Variants in ATL2 observed in about 807,000 individuals in gnomAD.
The protein encoded by ATL2 is atlastin GTPase 2.
ATL2 carries 31 observed loss-of-function variants against 73.9 expected under a neutral mutation model. The ratio of observed to expected loss-of-function variants is 0.42; its 90% CI spans 0.32 to 0.57. ATL2 has a LOEUF of 0.57. ATL2 is among the 20% of genes least tolerant of loss of function. The probability of loss-of-function intolerance (pLI) is 0.14; values close to 1 mark genes in which losing one functional copy is unlikely to be tolerated. For synonymous variants in ATL2, 291 were observed against 237.5 expected, an observed-to-expected ratio of 1.23 and a Z score of -2.07; for missense variants, 738 against 702.6, an observed-to-expected ratio of 1.05 and a Z score of -0.57.
chr2:38,326,891 G>C (rs1668693778), intron 2 of ATL2, among the ~76,000 whole-genome samples: 1 of 152,106 alleles, frequency 6.6e-6, no homozygotes, highest in Non-Finnish European at 1.5e-5. Context: ...GGGAGGCTGA[G>C]GCAGGAGAAT....
intron 9 of ATL2, among the ~76,000 whole-genome samples, chr2:38,304,843 A>G (rs530559381): frequency 2.0e-5 from 3 of 152,326 alleles, no homozygotes; most frequent in East Asian, 3.9e-4. Flanking sequence ...AATCACCTTC[A>G]CTAAAAGGAA....
chr2:38,364,897 A>G (rs963875840), intron 1 of ATL2, among the ~76,000 whole-genome samples: 1 of 152,096 alleles, frequency 6.6e-6, no homozygotes, highest in Admixed American at 6.5e-5. Context: ...ACAAAAAATT[A>G]GCCATGCGTG....
intron 2 of ATL2, among the ~76,000 whole-genome samples, chr2:38,320,225 A>C (rs1668244879): frequency 6.6e-6 from 1 of 152,232 alleles, no homozygotes; most frequent in Non-Finnish European, 1.5e-5. Flanking sequence ...ATATGAACCC[A>C]AACTGGTTAT....
chr2:38,326,198 T>C (rs1481604103), intron 2 of ATL2, among the ~76,000 whole-genome samples: 1 of 152,188 alleles, frequency 6.6e-6, no homozygotes, highest in Non-Finnish European at 1.5e-5. Context: ...ATAAAAAAGC[T>C]GCAAGACACA....
At chr2:38,367,551 A>G (rs560911896) in intron 1 of ATL2, among the ~76,000 whole-genome samples, 67 of 119,090 alleles carry the variant, frequency 5.6e-4, no homozygotes, top group African/African-American at 2.0e-3. Flanking sequence ...GCTTGCAGTG[A>G]GCCACTGCAC....
chr2:38,367,324 C>T (rs1418020251), intron 1 of ATL2, among the ~76,000 whole-genome samples: 1 of 151,762 alleles, frequency 6.6e-6, no homozygotes, highest in Admixed American at 6.6e-5. Flanking sequence ...CAATTTAAGG[C>T]CGGGCGCGGT....
At chr2:38,353,677 G>A (rs1294729200) in intron 1 of ATL2, among the ~76,000 whole-genome samples, 1 of 152,086 alleles carries the variant, frequency 6.6e-6, no homozygotes, top group African/African-American at 2.4e-5. Flanking sequence ...AGGACACAGA[G>A]CAGAATATTC....
At chr2:38,355,898 T>G (rs559534688) in intron 1 of ATL2, among the ~76,000 whole-genome samples, 2 of 151,714 alleles carry the variant, frequency 1.3e-5, no homozygotes, top group Admixed American at 6.6e-5. Context: ...TTTCACCATT[T>G]TGGCCAGGCT....
chr2:38,326,744 C>G lies in ATL2; in HGVS notation c.364-7725G>C, dbSNP rs185369534. On this transcript the variant is annotated intron_variant, in intron 2 of 12. Transcript: ENST00000378954. ...GACTCATGGCTATAATCCCAGCACT[C>G]GGGGAGGCCGAGGCAGGTGGATCAC... Among the ~76,000 whole-genome samples the G allele has an allele frequency of 6.7e-3, 1,025 of 152,062 alleles. 8 individuals are homozygous for G. The highest frequency in any genetic ancestry group is 0.012 in the Non-Finnish European group (811 of 67,978).
At chr2:38,354,709 G>A (rs1670560459) in intron 1 of ATL2, among the ~76,000 whole-genome samples, 1 of 151,856 alleles carries the variant, frequency 6.6e-6, no homozygotes, top group South Asian at 2.1e-4. Flanking sequence ...GACCAACATG[G>A]AGAAACCCTG....
At chr2:38,353,331 A>G (rs1670467956) in intron 1 of ATL2, among the ~76,000 whole-genome samples, 1 of 152,202 alleles carries the variant, frequency 6.6e-6, no homozygotes, top group Non-Finnish European at 1.5e-5. Context: ...CACTGGATGG[A>G]CAACAGCAGA....
At chr2:38,344,909 T>A (rs980735611) in intron 1 of ATL2, among the ~76,000 whole-genome samples, 5 of 152,200 alleles carry the variant, frequency 3.3e-5, no homozygotes, top group African/African-American at 1.2e-4. Flanking sequence ...CTTCCTTTGT[T>A]CACCACAACA....
At chr2:38,366,349 T>C (rs570240030) in intron 1 of ATL2, among the ~76,000 whole-genome samples, 29 of 152,312 alleles carry the variant, frequency 1.9e-4, no homozygotes, top group Admixed American at 1.6e-3. Context: ...TACAGGAAAA[T>C]AGCCCCATTC....
At chr2:38,310,687 G>A (rs1037813103) in intron 7 of ATL2, among the ~76,000 whole-genome samples, 1 of 148,492 alleles carries the variant, frequency 6.7e-6, no homozygotes, top group Admixed American at 6.8e-5. Flanking sequence ...GCCCAGGCTG[G>A]AGTGCAATGG....
intron 2 of ATL2, among the ~76,000 whole-genome samples, chr2:38,323,351 T>TG (rs1668426894): frequency 1.9e-5 from 2 of 104,002 alleles, no homozygotes; most frequent in Non-Finnish European, 3.4e-5. Context: ...CACCAGAAGT[T>TG]TTTTTTTTTT....
At chr2:38,367,570 G>C (rs377134137) in intron 1 of ATL2, among the ~76,000 whole-genome samples, 1 of 130,368 alleles carries the variant, frequency 7.7e-6, no homozygotes, top group Non-Finnish European at 1.6e-5. Flanking sequence ...ACTCCAGCCC[G>C]GGGAACAGAG....
intron 2 of ATL2, among the ~76,000 whole-genome samples, chr2:38,321,245 C>G (rs1271920636): frequency 6.6e-6 from 1 of 152,136 alleles, no homozygotes; most frequent in African/African-American, 2.4e-5. Flanking sequence ...TTCAAACCAT[C>G]TTTAATTATT....
intron 2 of ATL2, among the ~76,000 whole-genome samples, chr2:38,327,538 T>TAAAAA: frequency 2.5e-5 from 1 of 39,486 alleles, no homozygotes; most frequent in Non-Finnish European, 4.9e-5. Flanking sequence ...AAAAAAAAAG[T>TAAAAA]ACAAAAAAAA....
intron 2 of ATL2, among the ~76,000 whole-genome samples, chr2:38,330,917 A>T (rs1435509306): frequency 6.6e-6 from 1 of 152,224 alleles, no homozygotes; most frequent in African/African-American, 2.4e-5. Flanking sequence ...AAATAGCCAA[A>T]CAATCTTGAA....
Sources: gnomAD v4.1 joint callset for allele counts (sites outside exome capture counted in the v4.1 genomes callset) on GRCh38, gnomAD v4.1.1 for gene constraint, MANE v1.5 for transcripts, NCBI Gene and HGNC (gene_info 2026-07-23, HGNC 2026-07-21) for gene names.